CFAP299: variants seen among roughly 807,000 people sequenced by gnomAD.
The protein encoded by CFAP299 is cilia and flagella associated protein 299.
Under a neutral mutation model 27.0 loss-of-function variants are expected in CFAP299, and 21 were observed. The observed-to-expected ratio is 0.78, with a 90% confidence interval of 0.55 to 1.12. CFAP299 has a LOEUF of 1.12. CFAP299 is among the 50% of genes most tolerant of loss of function. CFAP299 has a pLI of 0.00. For synonymous variants in CFAP299, 104 were observed against 98.1 expected (o/e 1.06, Z -0.36); for missense variants, 310 against 276.6 (o/e 1.12, Z -0.86).
At chr4:80,465,901 T>C (rs1424554841) in intron 2 of CFAP299, among the ~76,000 whole-genome samples, 1 of 152,132 alleles carries the variant, frequency 6.6e-6, no homozygotes, top group Non-Finnish European at 1.5e-5. Context: ...GAATAAACAC[T>C]ACATGTGATT....
chr4:80,888,020 G>A (rs1734057131), intron 4 of CFAP299, among the ~76,000 whole-genome samples: 1 of 151,938 alleles, frequency 6.6e-6, no homozygotes, highest in East Asian at 1.9e-4. Flanking sequence ...TATATCACCA[G>A]AGAAAAATCA....
chr4:80,392,454 T>C (rs535203322), intron 2 of CFAP299, among the ~76,000 whole-genome samples: 1 of 152,286 alleles, frequency 6.6e-6, no homozygotes, highest in Non-Finnish European at 1.5e-5. Flanking sequence ...GGAGGTGGGA[T>C]CTTGTGCAAG....
intron 2 of CFAP299, among the ~76,000 whole-genome samples, chr4:80,409,890 G>T (rs552866777): frequency 6.6e-6 from 1 of 152,310 alleles, no homozygotes; most frequent in South Asian, 2.1e-4. Flanking sequence ...GAAGTGAAAA[G>T]TAATCTCTGT....
At chr4:80,854,182 G>A (rs1731692723) in intron 3 of CFAP299, among the ~76,000 whole-genome samples, 1 of 152,114 alleles carries the variant, frequency 6.6e-6, no homozygotes, top group Non-Finnish European at 1.5e-5. Flanking sequence ...AAAAGAGGTG[G>A]TGAACAATTA....
chr4:80,733,732 G>A (rs1429068074), intron 3 of CFAP299, among the ~76,000 whole-genome samples: 1 of 151,822 alleles, frequency 6.6e-6, no homozygotes, highest in African/African-American at 2.4e-5. Flanking sequence ...CCTTTCCATG[G>A]CTTGCTTATT....
chr4:80,335,221 A>C (rs1283566000), upstream of CFAP299, among the ~76,000 whole-genome samples: 1 of 152,194 alleles, frequency 6.6e-6, no homozygotes, highest in Non-Finnish European at 1.5e-5. Flanking sequence ...CATTTTTTTG[A>C]CTGAGTTTCT....
intron 3 of CFAP299, among the ~76,000 whole-genome samples, chr4:80,622,781 C>T (rs184093712): frequency 6.4e-4 from 98 of 152,158 alleles, no homozygotes; most frequent in Non-Finnish European, 7.2e-4. Context: ...AGCTGCAGTC[C>T]ACTAGGAAGC....
intron 3 of CFAP299, among the ~76,000 whole-genome samples, chr4:80,845,997 C>G (rs1731162552): frequency 6.6e-6 from 1 of 152,020 alleles, no homozygotes; most frequent in African/African-American, 2.4e-5. Context: ...CTATAGTTCA[C>G]TTATGTATTT....
At chr4:80,870,159 C>T (rs1025910877) in intron 4 of CFAP299, 24 bp downstream of exon 4, 2 of 1,576,502 alleles carry the variant, frequency 1.3e-6, no homozygotes, top group East Asian at 2.3e-5. Flanking sequence ...AATTTTTGCA[C>T]CCTTAGAGGC....
chr4:80,388,754 T>C, intron 2 of CFAP299: 1 of 497,022 alleles, frequency 2.0e-6, no homozygotes. Context: ...AATCAATAGA[T>C]TTTTTGGGGA....
At chr4:80,903,244 T>A (rs1032290111) in intron 4 of CFAP299, among the ~76,000 whole-genome samples, 1 of 152,096 alleles carries the variant, frequency 6.6e-6, no homozygotes, top group African/African-American at 2.4e-5. Context: ...CTGTTGTTCT[T>A]ACCCATATCA....
chr4:80,355,027 G>A (rs964205998), intron 1 of CFAP299, among the ~76,000 whole-genome samples: 1 of 151,968 alleles, frequency 6.6e-6, no homozygotes, highest in African/African-American at 2.4e-5. Flanking sequence ...ATATTCTTTT[G>A]GGCATATGTC....
At chr4:80,492,814 G>T (rs548864907) in intron 2 of CFAP299, among the ~76,000 whole-genome samples, 1 of 152,312 alleles carries the variant, frequency 6.6e-6, no homozygotes, top group South Asian at 2.1e-4. Context: ...GCAAGACTGA[G>T]TAAGCAGGCT....
chr4:80,798,384 G>GT (rs2110103892), intron 3 of CFAP299, among the ~76,000 whole-genome samples: 1 of 152,240 alleles, frequency 6.6e-6, no homozygotes, highest in South Asian at 2.1e-4. Flanking sequence ...TAGGGAAGCT[G>GT]TTTCTTCTGG....
intron 4 of CFAP299, among the ~76,000 whole-genome samples, chr4:80,937,784 G>A (rs779837674): frequency 5.9e-5 from 9 of 152,034 alleles, no homozygotes; most frequent in Non-Finnish European, 1.2e-4. Flanking sequence ...TTTTCAAAAT[G>A]TTTTGTAGTT....
intron 3 of CFAP299, among the ~76,000 whole-genome samples, chr4:80,860,972 G>A (rs548112836): frequency 3.3e-5 from 5 of 152,338 alleles, no homozygotes; most frequent in Admixed American, 6.5e-5. Context: ...GTCTGCAGAG[G>A]TTACTGCTAT....
intron 4 of CFAP299, chr4:80,871,220 T>C: frequency 1.0e-6 from 1 of 985,528 alleles, no homozygotes; most frequent in Non-Finnish European, 1.2e-6. Flanking sequence ...ATCTCCACTG[T>C]AATGGACTTA....
chr4:80,490,112 C>T lies in CFAP299; in HGVS notation c.243-92981C>T, dbSNP rs138890352. Among the ~76,000 whole-genome samples the T allele has an allele frequency of 2.5e-3, 388 of 152,246 alleles. 3 individuals carry two copies. The highest frequency in any genetic ancestry group is 9.0e-3 in the African/African-American group (375 of 41,514). ...CCAGCTGCTTCAGATATTAATTGTC[C>T]TCCTAATTGTAACTTGACTTTATCA... On this transcript the variant is annotated intron_variant, in intron 2 of 5. Coordinates refer to ENST00000358105, the MANE Select transcript of CFAP299 (RefSeq NM_152770.3).
chr4:80,378,847 GTAAT>G (rs1294263066), intron 2 of CFAP299, among the ~76,000 whole-genome samples: 2 of 151,920 alleles, frequency 1.3e-5, no homozygotes, highest in Non-Finnish European at 2.9e-5. Context: ...ACTTAATTAA[GTAAT>G]TAATTAATTT....
Sources: gnomAD v4.1 joint callset for allele counts (sites outside exome capture counted in the v4.1 genomes callset) on GRCh38, gnomAD v4.1.1 for gene constraint, MANE v1.5 for transcripts, NCBI Gene and HGNC (gene_info 2026-07-23, HGNC 2026-07-21) for gene names.